ZNF236: variants seen among roughly 807,000 people sequenced by gnomAD.
The protein encoded by ZNF236 is regulated by glucose.
A neutral mutation model predicts 191.2 loss-of-function variants in ZNF236; 50 were observed. The observed-to-expected ratio is 0.26, with a 90% CI of 0.21 to 0.33. The LOEUF is 0.33. ZNF236 is among the 10% of genes least tolerant of loss of function. The pLI, the probability that ZNF236 is intolerant of heterozygous loss-of-function variation, is 1.00. For synonymous variants in ZNF236, 907 were observed against 928.8 expected, an observed-to-expected ratio of 0.98 and a Z score of 0.43; for missense variants, 1,754 against 2,374.5, an observed-to-expected ratio of 0.74 and a Z score of 5.43.
Position 76,916,797 on chromosome 18 carries a change from C to T in ZNF236, c.3274+938C>T, listed in dbSNP as rs192556167. On this transcript the variant is annotated intron_variant, in intron 19 of 30. Transcript: ENST00000320610. The stretch of plus-strand genomic sequence containing the variant: ...CCATCCTGTCCTGGCACAGTTGGTG[C>T]GCAGTGTTGTCAGTGAATTTTGTGT... Among the ~76,000 whole-genome samples, 8 of 152,254 alleles carry T rather than the reference C, an allele frequency of 5.3e-5. No homozygotes were observed. The East Asian group carries it at 5.8e-4, about 11-fold the overall frequency.
At chr18:76,884,623 T>C (rs960932230) in intron 9 of ZNF236, among the ~76,000 whole-genome samples, 5 of 152,128 alleles carry the variant, frequency 3.3e-5, no homozygotes, top group African/African-American at 1.2e-4. Flanking sequence ...TGACCTGGGG[T>C]CACTGCCGTG....
chr18:76,905,050 A>G (rs963052834), intron 12 of ZNF236, 105 bp from the exon 13 acceptor site: 71 of 1,239,378 alleles, frequency 5.7e-5, no homozygotes, highest in Middle Eastern at 2.7e-4. Flanking sequence ...TTAGCTTTAA[A>G]AAATGTGATG....
At position 76,908,406 on chromosome 18, in the gene ZNF236, C is replaced by T; in HGVS notation, c.2384C>T (p.Ser795Phe). The T allele has an allele frequency of 6.2e-7, 1 of 1,614,218 alleles. No individual in the cohort carries two copies. Among genetic ancestry groups the T allele is most frequent in the Non-Finnish European group, 8.5e-7 (1 of 1,180,052 alleles). The change falls in exon 14 of 31, where the codon TCC becomes TTC. Residue 795 changes from serine (S) to phenylalanine (F), a missense_variant. This residue lies in a region of ZNF236 where 641 missense variants were observed against 869.6 expected (regional missense o/e 0.74). Coordinates refer to ENST00000320610, the MANE Select transcript of ZNF236 (RefSeq NM_001306089.2). The part of the protein sequence containing the change: ...STVDQQSMQA[S>F]TQMQVEIESD... ...GTAGACCAGCAGAGCATGCAGGCCT[C>T]CACTCAAATGCAGGTGGAGATCGAG...
chr18:76,881,540 A>G (rs767713806), intron 9 of ZNF236, 28 bp downstream of exon 9: 23 of 1,589,844 alleles, frequency 1.4e-5, no homozygotes, highest in Non-Finnish European at 2.0e-5. Flanking sequence ...TAAAGTTTGG[A>G]CATTTGGGAT....
intron 28 of ZNF236, among the ~76,000 whole-genome samples, chr18:76,956,758 A>G (rs1458443610): frequency 6.6e-6 from 1 of 152,234 alleles, no homozygotes; most frequent in Non-Finnish European, 1.5e-5. Flanking sequence ...GCTGTGCTAC[A>G]GTGGGCAGGA....
At chr18:76,887,331 T>A (rs1009018948) in intron 9 of ZNF236, 4 of 152,142 alleles carry the variant, frequency 2.6e-5, no homozygotes, top group Non-Finnish European at 4.4e-5. Context: ...GAGATCACAC[T>A]ACTGCACTCC....
intron 26 of ZNF236, among the ~76,000 whole-genome samples, chr18:76,945,513 C>T (rs146992177): frequency 9.6e-4 from 146 of 152,338 alleles, no homozygotes; most frequent in South Asian, 4.8e-3. Context: ...ACTTCAGGTG[C>T]AGTGGCTCAC....
At chr18:76,862,368 G>A (rs57970671) in intron 3 of ZNF236, among the ~76,000 whole-genome samples, 51,671 of 151,968 alleles carry the variant, frequency 0.34, 9,129 homozygotes, top group East Asian at 0.51. Flanking sequence ...GCTGCTCAGC[G>A]GAGCCGAGTA....
intron 1 of ZNF236, among the ~76,000 whole-genome samples, chr18:76,846,703 T>C (rs1975693946): frequency 6.6e-6 from 1 of 152,230 alleles, no homozygotes; most frequent in South Asian, 2.1e-4. Flanking sequence ...GAAATAATTA[T>C]TATTTTTTGA....
chr18:76,901,486 C>T (rs1014767781), intron 11 of ZNF236, among the ~76,000 whole-genome samples: 4 of 152,200 alleles, frequency 2.6e-5, no homozygotes, highest in Non-Finnish European at 4.4e-5. Flanking sequence ...TGGTTGGGCG[C>T]GGTGGCTCAC....
Position 76,956,290 on chromosome 18 carries a change from G to A in ZNF236, c.5112+108G>A, listed in dbSNP as rs1424521088. The stretch of plus-strand genomic sequence containing the variant: ...ATCTGGCATGTGTTTTTGAGGAAAA[G>A]GCCGGTTTTTGAGGAAAAGGTCACT... On this transcript the variant is annotated intron_variant, in intron 28 of 30. Coordinates refer to ENST00000320610, the MANE Select transcript of ZNF236 (RefSeq NM_001306089.2). The A allele has an allele frequency of 3.6e-6, 5 of 1,380,430 alleles. No homozygotes were observed. In the African/African-American group the frequency reaches 7.2e-5, roughly 20 times the overall value. 85.5% of individuals were successfully genotyped at this position (1,380,430 alleles called of 1,614,324 possible). A position where few individuals can be genotyped will look rare whatever the true frequency, so the allele number is the denominator to read the frequency against.
At chr18:76,848,719 G>T (rs1007957055) in intron 1 of ZNF236, among the ~76,000 whole-genome samples, 2 of 152,194 alleles carry the variant, frequency 1.3e-5, no homozygotes, top group African/African-American at 2.4e-5. Context: ...AGACTGGGGT[G>T]CAGTGGTGGG....
Position 76,927,535 on chromosome 18 carries a change from T to A in ZNF236, c.4414+18T>A, listed in dbSNP as rs375001386. On this transcript the variant is annotated intron_variant, in intron 24 of 30. Transcript: ENST00000320610. This position sits in a 1 kb window ranked among gnomAD's most constrained non-coding sequence, Gnocchi z 5.4. ...CAGCAGTGGTAAGAGCCACTCACTT[T>A]TGCTTATTTTGACAGCTGGAGTTTC... 5.8e-5 allele frequency: 93 copies of A among 1,595,774 alleles called. No homozygotes were observed. The African/African-American group carries it at 1.1e-3, about 19-fold the overall frequency.
intron 10 of ZNF236, among the ~76,000 whole-genome samples, chr18:76,896,762 G>A (rs889584262): frequency 1.8e-4 from 27 of 151,302 alleles, no homozygotes; most frequent in African/African-American, 6.6e-4. Flanking sequence ...ACCAAACACA[G>A]TACAGCACAC....
At chr18:76,830,985 A>G (rs1041600001) in intron 1 of ZNF236, among the ~76,000 whole-genome samples, 7 of 152,258 alleles carry the variant, frequency 4.6e-5, no homozygotes, top group African/African-American at 1.7e-4. Context: ...AATATGGAGC[A>G]GATAGTATGG....
chr18:76,967,606 G>A (rs111330979), intron 30 of ZNF236, among the ~76,000 whole-genome samples: 2 of 13,670 alleles, frequency 1.5e-4, no homozygotes, highest in Admixed American at 1.3e-3. Context: ...GTTGGAGGTG[G>A]TGTGATCTGT....
intron 14 of ZNF236, among the ~76,000 whole-genome samples, chr18:76,909,161 G>A (rs138726597): frequency 4.6e-5 from 7 of 151,716 alleles, no homozygotes; most frequent in East Asian, 1.9e-4. Context: ...CTAAAAATAC[G>A]AAACTTAGCT....
In ZNF236 at chr18:76,956,045, C is replaced by T; in HGVS notation, c.4975C>T (p.His1659Tyr). The change falls in exon 28 of 31, where the codon CAC becomes TAC. Residue 1659 changes from histidine to tyrosine, a missense_variant. This residue lies in a region of ZNF236 where 606 missense variants were observed against 761.5 expected (regional missense o/e 0.80). Transcript: ENST00000320610. ...CCAGCCAGAGAAGGAGGGCCGGGCGCACCAGTGCCTGGAGTGTGACCGCGC... is the reference window on the plus strand; with the variant it reads ...CCAGCCAGAGAAGGAGGGCCGGGCGTACCAGTGCCTGGAGTGTGACCGCGC... Reference protein sequence around the residue: ...GNQPEKEGRAHQCLECDRAFS... With the variant: ...GNQPEKEGRAYQCLECDRAFS... 6.2e-7 allele frequency: 1 copy of T among 1,609,968 alleles called. No individual in the cohort carries two copies. The highest frequency in any genetic ancestry group is 8.5e-7 in the Non-Finnish European group (1 of 1,179,240).
chr18:76,884,608 C>T (rs1976995738), intron 9 of ZNF236, among the ~76,000 whole-genome samples: 1 of 152,098 alleles, frequency 6.6e-6, no homozygotes, highest in Non-Finnish European at 1.5e-5. Flanking sequence ...TTAGCCACTT[C>T]TTGATGACCT....
Sources: allele counts gnomAD v4.1 joint callset (sites outside exome capture counted in the v4.1 genomes callset), GRCh38; gene constraint gnomAD v4.1.1; regional missense constraint gnomAD v4.1.1; non-coding constraint Gnocchi (gnomAD v3.1); transcripts MANE v1.5; gene names NCBI Gene and HGNC (gene_info 2026-07-23, HGNC 2026-07-21).